The following MACROD2 variants were observed in gnomAD, a reference collection of about 807,000 sequenced individuals.
MACROD2 encodes the protein ADP-ribose glycohydrolase MACROD2.
Under a neutral mutation model 70.4 loss-of-function variants are expected in MACROD2, and 36 were observed. The observed-to-expected ratio is 0.51, with a 90% CI of 0.39 to 0.68. The LOEUF (loss-of-function observed/expected upper bound fraction) is 0.68, where lower values mean the gene tolerates loss of function less well. MACROD2 is among the 30% of genes least tolerant of loss of function. MACROD2 has a pLI of 0.00. For synonymous variants in MACROD2, 172 were observed against 178.8 expected, an observed-to-expected ratio of 0.96 and a Z score of 0.30; for missense variants, 496 against 538.4, an observed-to-expected ratio of 0.92 and a Z score of 0.78.
chr20:15,614,830 C>T (rs2049016139), intron 8 of MACROD2, among the ~76,000 whole-genome samples: 1 of 152,044 alleles, frequency 6.6e-6, no homozygotes, highest in South Asian at 2.1e-4. Context: ...AAGATCTCTG[C>T]CAAACTAATA....
chr20:15,706,180 G>A (rs1050344263), intron 8 of MACROD2, among the ~76,000 whole-genome samples: 1 of 152,152 alleles, frequency 6.6e-6, no homozygotes, highest in African/African-American at 2.4e-5. Flanking sequence ...ACTGCAAAAG[G>A]CAGAATAAAG....
chr20:14,990,752 TCTGCC>T (rs1430782536), intron 5 of MACROD2, among the ~76,000 whole-genome samples: 2 of 152,094 alleles, frequency 1.3e-5, no homozygotes, highest in Admixed American at 6.6e-5. Context: ...GACCTTGTGA[TCTGCC>T]CACCTCGGCC....
chr20:14,932,156 T>G (rs191615), intron 5 of MACROD2, among the ~76,000 whole-genome samples: 52,991 of 151,968 alleles, frequency 0.35, 9,785 homozygotes, highest in East Asian at 0.52. Flanking sequence ...AACTCCCTAT[T>G]ACTTATATAA....
chr20:15,750,531 A>G (rs1454518770), intron 8 of MACROD2, among the ~76,000 whole-genome samples: 3 of 151,494 alleles, frequency 2.0e-5, no homozygotes, highest in East Asian at 3.9e-4. Context: ...AGAGTTCAGT[A>G]CATACTTCTA....
intron 5 of MACROD2, among the ~76,000 whole-genome samples, chr20:15,119,670 G>T (rs2076016919): frequency 6.6e-6 from 1 of 152,182 alleles, no homozygotes; most frequent in Admixed American, 6.5e-5. Context: ...ATATATAGCA[G>T]TTTTTGAGAA....
intron 2 of MACROD2, chr20:14,052,106 G>C (rs1002768326): frequency 5.4e-6 from 2 of 369,170 alleles, no homozygotes; most frequent in African/African-American, 4.3e-5. Flanking sequence ...TTGGGAGGGG[G>C]AGAGAAGAGG....
At chr20:14,882,315 C>T (rs1011173466) in intron 5 of MACROD2, among the ~76,000 whole-genome samples, 13 of 152,148 alleles carry the variant, frequency 8.5e-5, no homozygotes, top group African/African-American at 3.1e-4. Flanking sequence ...TTTTCTTCCC[C>T]TTTTTATCAT....
chr20:15,635,167 G>GTT (rs1244014234), intron 8 of MACROD2, among the ~76,000 whole-genome samples: 1 of 152,170 alleles, frequency 6.6e-6, no homozygotes, highest in African/African-American at 2.4e-5. Flanking sequence ...GAAATACCAG[G>GTT]TTTCTGTTTC....
chr20:14,195,124 A>C (rs569456968), intron 3 of MACROD2, among the ~76,000 whole-genome samples: 3 of 152,302 alleles, frequency 2.0e-5, no homozygotes, highest in Admixed American at 6.5e-5. Context: ...TTTATCTATT[A>C]ATAGGAAATA....
At chr20:15,235,429 C>T (rs2077005238) in intron 6 of MACROD2, among the ~76,000 whole-genome samples, 1 of 152,142 alleles carries the variant, frequency 6.6e-6, no homozygotes, top group South Asian at 2.1e-4. Flanking sequence ...ATAGGGATCC[C>T]TCAGAGCTAA....
At chr20:15,682,281 G>A (rs949777326) in intron 8 of MACROD2, among the ~76,000 whole-genome samples, 2 of 152,122 alleles carry the variant, frequency 1.3e-5, no homozygotes, top group Non-Finnish European at 2.9e-5. Context: ...GATTTAATAG[G>A]AAAGATTTTT....
At chr20:15,385,784 C>T (rs531926967) in intron 6 of MACROD2, among the ~76,000 whole-genome samples, 3 of 152,284 alleles carry the variant, frequency 2.0e-5, no homozygotes, top group East Asian at 1.9e-4. Context: ...CAGCCAACTT[C>T]GTTCTGAATC....
At chr20:14,095,715 T>G (rs1424690499) in intron 3 of MACROD2, among the ~76,000 whole-genome samples, 1 of 152,226 alleles carries the variant, frequency 6.6e-6, no homozygotes, top group Non-Finnish European at 1.5e-5. Flanking sequence ...TAAAAGCATG[T>G]AGTAATTATC....
At chr20:15,862,000 A>G (rs966361737) in intron 8 of MACROD2, among the ~76,000 whole-genome samples, 2 of 152,194 alleles carry the variant, frequency 1.3e-5, no homozygotes, top group Non-Finnish European at 2.9e-5. Flanking sequence ...TATGTGAGCT[A>G]TTATGTATAC....
rs559606926 is a variant in MACROD2 at position 15,381,616 on chromosome 20, T to C, written c.541-49789T>C. ...GGGATGTTGAGGCTGCAGTGAGCCA[T>C]GATTGCGCCACTGAACTCCAGCCTG... On this transcript the variant is annotated intron_variant, in intron 6 of 17. Transcript: ENST00000684519. Among the ~76,000 whole-genome samples the C allele has an allele frequency of 1.9e-3, 289 of 152,170 alleles. 1 individual carries two copies. The highest frequency in any genetic ancestry group is 6.2e-3 in the African/African-American group (258 of 41,534).
intron 12 of MACROD2, among the ~76,000 whole-genome samples, chr20:15,949,996 T>G (rs1329534357): frequency 1.3e-5 from 2 of 152,218 alleles, no homozygotes; most frequent in East Asian, 3.8e-4. Flanking sequence ...TGTACTATTT[T>G]TAAGAGTATG....
At position 14,664,198 on chromosome 20, in the gene MACROD2, A is replaced by C. The variant is rs567872462; in HGVS notation, c.302-20645A>C. Among the ~76,000 whole-genome samples, 7 of 152,258 alleles carry C rather than the reference A, an allele frequency of 4.6e-5. No homozygotes were observed. The South Asian group carries it at 1.5e-3, about 32-fold the overall frequency. ...ACTGTATTTTCTCACATGTGCATCA[A>C]ATACCAGGGTTTTGGCTCATAAATC... On this transcript the variant is annotated intron_variant, in intron 4 of 17. Transcript: ENST00000684519.
chr20:15,468,883 G>A (rs2046929780), intron 7 of MACROD2, among the ~76,000 whole-genome samples: 1 of 152,092 alleles, frequency 6.6e-6, no homozygotes, highest in African/African-American at 2.4e-5. Context: ...ATTAGAAGAT[G>A]GAAAAATATT....
chr20:14,506,991 G>A (rs1186463825), intron 4 of MACROD2, among the ~76,000 whole-genome samples: 1 of 151,986 alleles, frequency 6.6e-6, no homozygotes, highest in African/African-American at 2.4e-5. Flanking sequence ...CCAGAGTTGC[G>A]ATACTATATC....
Sources: gnomAD v4.1 joint callset for allele counts (sites outside exome capture counted in the v4.1 genomes callset) on GRCh38, gnomAD v4.1.1 for gene constraint, MANE v1.5 for transcripts, NCBI Gene and HGNC (gene_info 2026-07-23, HGNC 2026-07-21) for gene names.